The following ROBO1 variants were observed in gnomAD, a reference collection of about 807,000 sequenced individuals.
ROBO1 encodes roundabout guidance receptor 1.
In ROBO1, 149 loss-of-function variants were observed where a neutral mutation model predicts 195.9. That is an observed-to-expected ratio of 0.76 (90% confidence interval 0.67 to 0.87). ROBO1 has a LOEUF of 0.87. ROBO1 is among the 40% of genes least tolerant of loss of function. The pLI, the probability that ROBO1 is intolerant of heterozygous loss-of-function variation, is 0.00. For synonymous variants in ROBO1, 816 were observed against 733.2 expected, an observed-to-expected ratio of 1.11 and a Z score of -1.82; for missense variants, 1,933 against 2,068.3, an observed-to-expected ratio of 0.93 and a Z score of 1.27.
intron 3 of ROBO1, among the ~76,000 whole-genome samples, chr3:79,088,188 C>T (rs529575737): frequency 2.0e-5 from 3 of 152,120 alleles, no homozygotes; most frequent in African/African-American, 7.2e-5. Context: ...ACTATAATAT[C>T]TGCTATGTGA....
chr3:79,153,644 C>T (rs2080809848), intron 2 of ROBO1, among the ~76,000 whole-genome samples: 1 of 150,372 alleles, frequency 6.7e-6, no homozygotes, highest in African/African-American at 2.4e-5. Context: ...AAATCCAGCT[C>T]CTCCTCTGCA....
intron 2 of ROBO1, among the ~76,000 whole-genome samples, chr3:79,489,871 T>C (rs1299291288): frequency 6.6e-6 from 1 of 152,138 alleles, no homozygotes. Context: ...CAATACAGTA[T>C]TCATAAGTGT....
chr3:79,509,858 T>C (rs994932684), intron 2 of ROBO1, among the ~76,000 whole-genome samples: 1 of 152,176 alleles, frequency 6.6e-6, no homozygotes, highest in Non-Finnish European at 1.5e-5. Flanking sequence ...TTCTTATTAA[T>C]AATAAATTTT....
At chr3:79,071,861 C>T (rs138154072) in intron 3 of ROBO1, among the ~76,000 whole-genome samples, 132 of 151,618 alleles carry the variant, frequency 8.7e-4, no homozygotes, top group African/African-American at 3.1e-3. Flanking sequence ...CATGGTTATT[C>T]TGTATATTCC....
At chr3:79,277,790 T>TAAAA (rs141168797) in intron 2 of ROBO1, among the ~76,000 whole-genome samples, 1 of 149,268 alleles carries the variant, frequency 6.7e-6, no homozygotes, top group African/African-American at 2.5e-5. Flanking sequence ...ACATTAAAAA[T>TAAAA]AAAAAAAAAC....
intron 2 of ROBO1, among the ~76,000 whole-genome samples, chr3:79,300,440 G>C (rs1032962038): frequency 6.6e-6 from 1 of 152,218 alleles, no homozygotes; most frequent in Non-Finnish European, 1.5e-5. Flanking sequence ...CTCACTGGGC[G>C]TTAGCTGCCT....
chr3:78,996,750 TAAC>T, intron 3 of ROBO1, among the ~76,000 whole-genome samples: 1 of 152,058 alleles, frequency 6.6e-6, no homozygotes, highest in Non-Finnish European at 1.5e-5. Flanking sequence ...AACTTCAGGC[TAAC>T]AACGCCATTT....
intron 2 of ROBO1, among the ~76,000 whole-genome samples, chr3:79,462,060 T>G (rs960225379): frequency 6.6e-5 from 10 of 152,192 alleles, no homozygotes; most frequent in African/African-American, 1.9e-4. Context: ...CAAGGTAGTA[T>G]TATTATGTGG....
Position 79,696,452 on chromosome 3 carries a change from T to G in ROBO1, c.-51+71300A>C, listed in dbSNP as rs1020711534. 4.3e-4 allele frequency among the ~76,000 whole-genome samples: 58 copies of G among 136,470 alleles called. 1 individual carries two copies. Among genetic ancestry groups the G allele is most frequent in the Non-Finnish European group, 8.6e-4 (53 of 61,440 alleles). 89.5% of individuals were successfully genotyped at this position (136,470 alleles called of 152,430 possible). The stretch of plus-strand genomic sequence containing the variant: ...ATTATTTAGATGAAAATAATATATC[T>G]AAATAATATATATATATATACACAC... On this transcript the variant is annotated intron_variant, in intron 1 of 30. Transcript: ENST00000464233.
At chr3:79,566,600 G>A (rs551135334) in intron 2 of ROBO1, among the ~76,000 whole-genome samples, 12 of 152,080 alleles carry the variant, frequency 7.9e-5, no homozygotes, top group African/African-American at 2.9e-4. Flanking sequence ...TATATTTGTG[G>A]CATCATCATC....
chr3:78,970,440 A>C lies in ROBO1; in HGVS notation c.173-31513T>G, dbSNP rs1576489295. On this transcript the variant is annotated intron_variant, in intron 3 of 30. Coordinates refer to ENST00000464233, the MANE Select transcript of ROBO1 (RefSeq NM_002941.4). Reference sequence around the variant, plus strand: ...TTTTATCACAGGCGTCCAACCTTCAAACAGTGAACTATATCTACCCCTACC... The same window carrying C: ...TTTTATCACAGGCGTCCAACCTTCACACAGTGAACTATATCTACCCCTACC... Among the ~76,000 whole-genome samples the C allele has an allele frequency of 2.6e-5, 4 of 152,250 alleles. No homozygotes were observed. The South Asian group carries it at 8.3e-4, about 32-fold the overall frequency.
At chr3:79,344,851 C>T (rs1464318626) in intron 2 of ROBO1, among the ~76,000 whole-genome samples, 1 of 152,012 alleles carries the variant, frequency 6.6e-6, no homozygotes. Context: ...CCATGCTGGT[C>T]TCATAATAGT....
chr3:78,702,816 G>A (rs1410940901), intron 8 of ROBO1, among the ~76,000 whole-genome samples: 1 of 152,036 alleles, frequency 6.6e-6, no homozygotes, highest in African/African-American at 2.4e-5. Context: ...GTAAAACTCA[G>A]ACCATCATGG....
intron 3 of ROBO1, 115 bp from the exon 4 acceptor site, chr3:78,939,042 C>T (rs2039978051): frequency 1.5e-5 from 13 of 853,908 alleles, no homozygotes; most frequent in Non-Finnish European, 2.3e-5. Flanking sequence ...TTGGCCTAGC[C>T]TTCCTACCCT....
chr3:79,646,401 A>C (rs9870957), intron 1 of ROBO1, among the ~76,000 whole-genome samples: 86,520 of 151,926 alleles, frequency 0.57, 24,887 homozygotes, highest in South Asian at 0.67. Context: ...TGAAAATGAC[A>C]GGGAACAACA....
intron 4 of ROBO1, among the ~76,000 whole-genome samples, chr3:78,777,560 T>G (rs1309325850): frequency 1.3e-5 from 2 of 152,222 alleles, no homozygotes; most frequent in Admixed American, 6.5e-5. Context: ...GAAATGGTTG[T>G]AAACAAATCA....
At chr3:78,946,902 A>C (rs540832306) in intron 3 of ROBO1, among the ~76,000 whole-genome samples, 1 of 152,312 alleles carries the variant, frequency 6.6e-6, no homozygotes, top group Admixed American at 6.5e-5. Context: ...ACTTTAAACC[A>C]ACAAAGATGA....
At chr3:79,398,893 G>C (rs1404087611) in intron 2 of ROBO1, among the ~76,000 whole-genome samples, 1 of 152,014 alleles carries the variant, frequency 6.6e-6, no homozygotes, top group Non-Finnish European at 1.5e-5. Context: ...TAATGGCACA[G>C]ACACACTGTG....
At chr3:79,026,331 AGTT>A (rs1239282726) in intron 3 of ROBO1, among the ~76,000 whole-genome samples, 1 of 152,136 alleles carries the variant, frequency 6.6e-6, no homozygotes, top group Non-Finnish European at 1.5e-5. Flanking sequence ...TGCAAATAAA[AGTT>A]GTTGATGAAA....
Sources: allele counts gnomAD v4.1 joint callset (sites outside exome capture counted in the v4.1 genomes callset), GRCh38; gene constraint gnomAD v4.1.1; transcripts MANE v1.5; gene names NCBI Gene and HGNC (gene_info 2026-07-23, HGNC 2026-07-21).